CFAP54: variants seen among roughly 807,000 people sequenced by gnomAD.
CFAP54 encodes the protein cilia- and flagella-associated protein 54.
CFAP54 carries 290 observed loss-of-function variants against 370.4 expected under a neutral mutation model. The observed-to-expected ratio is 0.78, with a 90% CI of 0.71 to 0.86. The LOEUF (loss-of-function observed/expected upper bound fraction) is 0.86. Ranked by LOEUF, CFAP54 falls within the 40% of genes least tolerant of loss-of-function variation. The probability of loss-of-function intolerance (pLI) is 0.00; values close to 1 mark genes in which losing one functional copy is unlikely to be tolerated. For synonymous variants in CFAP54, 1,206 were observed against 1,236.5 expected, an observed-to-expected ratio of 0.98 and a Z score of 0.52; for missense variants, 3,399 against 3,528.7, an observed-to-expected ratio of 0.96 and a Z score of 0.93.
intron 1 of CFAP54, among the ~76,000 whole-genome samples, chr12:96,493,475 C>A: frequency 6.6e-6 from 1 of 152,180 alleles, no homozygotes; most frequent in Non-Finnish European, 1.5e-5. Context: ...GGGAACTAGA[C>A]AATAAACATC....
intron 14 of CFAP54, among the ~76,000 whole-genome samples, 171 bp downstream of exon 14, chr12:96,541,158 G>A (rs1420281314): frequency 6.6e-6 from 1 of 152,030 alleles, no homozygotes; most frequent in Non-Finnish European, 1.5e-5. Flanking sequence ...TGGATGTTAA[G>A]GTTTCATGCT....
At chr12:96,534,579 A>T (rs1473260258) in intron 11 of CFAP54, among the ~76,000 whole-genome samples, 2 of 152,214 alleles carry the variant, frequency 1.3e-5, no homozygotes, top group Non-Finnish European at 2.9e-5. Flanking sequence ...GGACAAAGTC[A>T]TCAGTTCATG....
Position 96,589,416 on chromosome 12 carries a change from T to C in CFAP54, c.3076-11T>C. On this transcript the variant is annotated splice_polypyrimidine_tract_variant and intron_variant, in intron 22 of 67. Coordinates refer to ENST00000524981, the MANE Select transcript of CFAP54 (RefSeq NM_001306084.2). ...TAAAACTATTACATAAATATGTGCT[T>C]TTTGTTATAGGTTGCCTATCAAGTT... is the stretch of plus-strand genomic sequence containing the variant. The C allele has an allele frequency of 6.6e-7, 1 of 1,515,626 alleles. No individual in the cohort carries two copies. Among genetic ancestry groups the C allele is most frequent in the Non-Finnish European group, 8.8e-7 (1 of 1,132,788 alleles). 93.9% of individuals were successfully genotyped at this position (1,515,626 alleles called of 1,614,324 possible).
chr12:96,789,396 C>T (rs1958662055), intron 62 of CFAP54, among the ~76,000 whole-genome samples: 1 of 152,190 alleles, frequency 6.6e-6, no homozygotes, highest in South Asian at 2.1e-4. Context: ...CATCTAACAC[C>T]AGATTCAGAT....
chr12:96,729,312 T>C (rs1412907669), intron 50 of CFAP54, among the ~76,000 whole-genome samples: 1 of 152,232 alleles, frequency 6.6e-6, no homozygotes, highest in Non-Finnish European at 1.5e-5. Flanking sequence ...GCAGGCCTCC[T>C]TGAGCTGTGG....
At chr12:96,514,416 T>G (rs1184900421) in intron 5 of CFAP54, among the ~76,000 whole-genome samples, 1 of 152,234 alleles carries the variant, frequency 6.6e-6, no homozygotes, top group Non-Finnish European at 1.5e-5. Flanking sequence ...GCCAGCTTTC[T>G]GAGTGTGAAT....
At chr12:96,541,423 T>C (rs1375057020) in intron 14 of CFAP54, among the ~76,000 whole-genome samples, 4 of 151,920 alleles carry the variant, frequency 2.6e-5, no homozygotes, top group African/African-American at 7.3e-5. Flanking sequence ...GTAGCTGGGA[T>C]TACAGGTGCT....
chr12:96,503,058 TTC>T (rs1314428136), intron 2 of CFAP54, among the ~76,000 whole-genome samples: 25 of 127,392 alleles, frequency 2.0e-4, no homozygotes, highest in Non-Finnish European at 3.6e-4. Context: ...CTCCCTTCCT[TTC>T]TCTCTCTCTC....
chr12:96,521,503 CGTGTGTGTGTGTGTGT>C (rs10554608), intron 6 of CFAP54, among the ~76,000 whole-genome samples: 74 of 129,680 alleles, frequency 5.7e-4, no homozygotes, highest in Admixed American at 4.4e-3. Context: ...CAACTGAGGA[CGTGTGTGTGTGTGTGT>C]GTGTGTGTGT....
intron 19 of CFAP54, chr12:96,565,200 C>T (rs918879588): frequency 6.6e-6 from 1 of 152,374 alleles, no homozygotes; most frequent in African/African-American, 2.4e-5. Flanking sequence ...CCTGGAAATT[C>T]TTCTGCCTTC....
chr12:96,608,337 A>ACG (rs1956322403), intron 26 of CFAP54, among the ~76,000 whole-genome samples: 1 of 149,844 alleles, frequency 6.7e-6, no homozygotes, highest in South Asian at 2.1e-4. Flanking sequence ...ACACACACAT[A>ACG]CGCACACACA....
chr12:96,515,534 A>G (rs1955220898), intron 5 of CFAP54, among the ~76,000 whole-genome samples: 1 of 152,218 alleles, frequency 6.6e-6, no homozygotes, highest in Admixed American at 6.5e-5. Flanking sequence ...TGATGGGTCC[A>G]TTTAATGGAG....
intron 33 of CFAP54, chr12:96,645,187 G>T (rs1956774537): frequency 2.2e-6 from 1 of 456,310 alleles, no homozygotes; most frequent in African/African-American, 2.0e-5. Flanking sequence ...GAGTGTCTTT[G>T]GCTAAGTGCT....
At chr12:96,494,622 A>C (rs1162373109) in intron 1 of CFAP54, among the ~76,000 whole-genome samples, 1 of 152,056 alleles carries the variant, frequency 6.6e-6, no homozygotes, top group African/African-American at 2.4e-5. Context: ...TTAAGATATT[A>C]TTCTGATGAT....
At chr12:96,616,619 T>C (rs2136460573) in intron 26 of CFAP54, among the ~76,000 whole-genome samples, 1 of 152,242 alleles carries the variant, frequency 6.6e-6, no homozygotes, top group Non-Finnish European at 1.5e-5. Flanking sequence ...GTTGGGAAAA[T>C]ATGTGAAGGC....
In CFAP54 at chr12:96,786,841, T is replaced by G; in HGVS notation, c.8622T>G (p.Leu2874=). 2.0e-6 allele frequency: 3 copies of G among 1,535,738 alleles called. No homozygotes were observed. The highest frequency in any genetic ancestry group is 2.6e-6 in the Non-Finnish European group (3 of 1,146,662). The change falls in exon 62 of 68, where the codon CTT becomes CTG. Residue 2874 remains leucine, a synonymous_variant. Coordinates refer to ENST00000524981, the MANE Select transcript of CFAP54 (RefSeq NM_001306084.2). ...SCIDEFPKEL[L]CQLENPPLSE... The stretch of plus-strand genomic sequence containing the variant: ...TTGATGAATTTCCAAAAGAACTTCT[T>G]TGTCAACTGGAAAATCCCCCTCTTT...
chr12:96,788,663 ATTTTT>A (rs112699766), intron 62 of CFAP54, among the ~76,000 whole-genome samples: 1 of 150,260 alleles, frequency 6.7e-6, no homozygotes. Context: ...TAAATTATAC[ATTTTT>A]TTTTTTAAAA....
At chr12:96,613,440 T>C (rs1038273187) in intron 26 of CFAP54, among the ~76,000 whole-genome samples, 1 of 152,164 alleles carries the variant, frequency 6.6e-6, no homozygotes, top group Non-Finnish European at 1.5e-5. Context: ...ATTGACACCC[T>C]AGCATCACAA....
At chr12:96,648,764 A>G (rs1255627637) in intron 34 of CFAP54, among the ~76,000 whole-genome samples, 1 of 151,276 alleles carries the variant, frequency 6.6e-6, no homozygotes, top group African/African-American at 2.4e-5. Context: ...AATTTTTTGT[A>G]TTTTTAGTAA....
Sources: allele counts gnomAD v4.1 joint callset (sites outside exome capture counted in the v4.1 genomes callset), GRCh38; gene constraint gnomAD v4.1.1; transcripts MANE v1.5; gene names NCBI Gene and HGNC (gene_info 2026-07-23, HGNC 2026-07-21).